Variants in TMTC4 observed in about 807,000 individuals in gnomAD.
TMTC4 encodes protein O-mannosyl-transferase TMTC4.
A neutral mutation model predicts 86.0 loss-of-function variants in TMTC4; 65 were observed. That is an observed-to-expected ratio of 0.76 (90% CI 0.62 to 0.93). The LOEUF (loss-of-function observed/expected upper bound fraction) is 0.93. Among genes scored for constraint, TMTC4 ranks in the 40% least tolerant of loss-of-function variants. TMTC4 has a pLI of 0.00. For missense variants in TMTC4, 866 were observed against 948.1 expected (o/e 0.91, Z 1.14); for synonymous variants, 379 against 382.5 (o/e 0.99, Z 0.11).
At chr13:100,645,393 CCT>C (rs1323287433) in intron 6 of TMTC4, among the ~76,000 whole-genome samples, 1 of 152,200 alleles carries the variant, frequency 6.6e-6, no homozygotes, top group African/African-American at 2.4e-5. Context: ...CAAACCCCAC[CCT>C]CTCAGGCAGG....
At chr13:100,622,796 C>CT (rs543924901) in intron 15 of TMTC4, among the ~76,000 whole-genome samples, 1,578 of 152,006 alleles carry the variant, frequency 0.01, 25 homozygotes, top group African/African-American at 0.036. Flanking sequence ...TATTATTATA[C>CT]TTTAAGTTTT....
Position 100,604,847 on chromosome 13 carries a change from A to T in TMTC4, c.*147T>A. ...TTCAAGAGTATATTGCTGGTGCTAT[A>T]ATCTTTTTGCATGTCTTTGTTTTCA... is the stretch of plus-strand genomic sequence containing the variant. On this transcript the variant is annotated 3_prime_UTR_variant, in exon 19 of 19. Transcript: ENST00000342624. 1 of 855,696 alleles carries T rather than the reference A, an allele frequency of 1.2e-6. No homozygotes were observed. The highest frequency in any genetic ancestry group is 3.0e-5 in the East Asian group (1 of 33,092). 53.0% of individuals were successfully genotyped at this position (855,696 alleles called of 1,614,324 possible).
intron 6 of TMTC4, among the ~76,000 whole-genome samples, chr13:100,650,818 T>C (rs531481093): frequency 1.9e-4 from 29 of 152,370 alleles, no homozygotes; most frequent in Non-Finnish European, 3.7e-4. Flanking sequence ...CTATCGGACA[T>C]GAGTTAGCCA....
At chr13:100,649,141 T>C (rs572613382) in intron 6 of TMTC4, among the ~76,000 whole-genome samples, 2 of 152,344 alleles carry the variant, frequency 1.3e-5, no homozygotes, top group Non-Finnish European at 2.9e-5. Flanking sequence ...TATATGTGCA[T>C]GAATGATAAA....
At chr13:100,628,986 TA>T (rs1276949853) in intron 12 of TMTC4, among the ~76,000 whole-genome samples, 10 of 151,934 alleles carry the variant, frequency 6.6e-5, no homozygotes, top group Non-Finnish European at 1.3e-4. Context: ...CCATCTCTAC[TA>T]AAAATACAAA....
At chr13:100,611,282 G>A (rs1877526151) in intron 17 of TMTC4, among the ~76,000 whole-genome samples, 1 of 152,206 alleles carries the variant, frequency 6.6e-6, no homozygotes, top group South Asian at 2.1e-4. Flanking sequence ...CACCCAGGAT[G>A]CCAGCTAAAA....
At chr13:100,630,969 T>A (rs984581311) in intron 12 of TMTC4, among the ~76,000 whole-genome samples, 3 of 152,136 alleles carry the variant, frequency 2.0e-5, no homozygotes, top group African/African-American at 7.2e-5. Context: ...ATGGGTTAGG[T>A]GGAGGGAATT....
intron 6 of TMTC4, among the ~76,000 whole-genome samples, chr13:100,645,659 T>C (rs1044135525): frequency 2.6e-5 from 4 of 152,156 alleles, no homozygotes; most frequent in Admixed American, 6.5e-5. Flanking sequence ...TGAGCCTTGT[T>C]CACTGACTGC....
At chr13:100,662,867 G>T in intron 5 of TMTC4, 97 bp downstream of exon 5, 1 of 1,285,676 alleles carries the variant, frequency 7.8e-7, no homozygotes, top group Non-Finnish European at 1.1e-6. Context: ...AACCAAGATG[G>T]GTACATAAAG....
chr13:100,639,867 G>C (rs1882783946), intron 7 of TMTC4, among the ~76,000 whole-genome samples: 1 of 152,150 alleles, frequency 6.6e-6, no homozygotes, highest in African/African-American at 2.4e-5. Flanking sequence ...TTGAACCTGG[G>C]AGGTGGAGGT....
At chr13:100,654,189 T>C (rs1884795459) in intron 6 of TMTC4, among the ~76,000 whole-genome samples, 1 of 152,242 alleles carries the variant, frequency 6.6e-6, no homozygotes, top group South Asian at 2.1e-4. Flanking sequence ...TCTAGTCATC[T>C]TAAAAAGCTT....
At chr13:100,632,053 A>ACACACACACACTCTCTCTCT (rs1296569630) in intron 12 of TMTC4, among the ~76,000 whole-genome samples, 7 of 43,142 alleles carry the variant, frequency 1.6e-4, no homozygotes, top group Non-Finnish European at 2.4e-4. Context: ...ACACACACAC[A>ACACACACACACTCTCTCTCT]CTCTCTCTCT....
intron 5 of TMTC4, among the ~76,000 whole-genome samples, chr13:100,660,204 G>A (rs1268021640): frequency 1.3e-5 from 2 of 151,330 alleles, no homozygotes; most frequent in Non-Finnish European, 2.9e-5. Context: ...GGTGGTGCAC[G>A]CCTGTAGTCC....
chr13:100,649,630 T>C (rs1337206632), intron 6 of TMTC4, among the ~76,000 whole-genome samples: 3 of 152,138 alleles, frequency 2.0e-5, no homozygotes, highest in Non-Finnish European at 2.9e-5. Context: ...TGAGATGTAA[T>C]TTAATACCCA....
chr13:100,618,941 TC>T (rs1391837420), intron 15 of TMTC4, among the ~76,000 whole-genome samples: 1 of 151,784 alleles, frequency 6.6e-6, no homozygotes, highest in African/African-American at 2.4e-5. Flanking sequence ...TCCCCACCTT[TC>T]CCCCCTTTCT....
At position 100,642,241 on chromosome 13, in the gene TMTC4, C is replaced by T; in HGVS notation, c.711G>A (p.Met237Ile). ...LLSIFLGAVA[M>I]LCKEQGITVL... The stretch of plus-strand genomic sequence containing the variant: ...CAGTGATCCCTTGCTCTTTGCACAG[C>T]ATGGCCACTGCTCCCAGAAAGATAC... The change falls in exon 7 of 19, where the codon ATG becomes ATA. Residue 237 changes from methionine (M) to isoleucine (I), a missense_variant. Transcript: ENST00000342624. 6.2e-7 allele frequency: 1 copy of T among 1,614,240 alleles called. No individual in the cohort carries two copies. The highest frequency in any genetic ancestry group is 8.5e-7 in the Non-Finnish European group (1 of 1,180,056).
chr13:100,638,264 G>A (rs138424131), intron 7 of TMTC4: 184 of 410,004 alleles, frequency 4.5e-4, no homozygotes, highest in African/African-American at 2.8e-3. Flanking sequence ...CACAGTCTGC[G>A]TGTAGGAGTT....
At chr13:100,629,105 T>A (rs973298248) in intron 12 of TMTC4, among the ~76,000 whole-genome samples, 2 of 152,006 alleles carry the variant, frequency 1.3e-5, no homozygotes, top group African/African-American at 2.4e-5. Context: ...GGCAAGAGCA[T>A]GCCACTGCAC....
intron 12 of TMTC4, among the ~76,000 whole-genome samples, chr13:100,629,950 G>C (rs1301906058): frequency 2.0e-5 from 3 of 151,912 alleles, no homozygotes; most frequent in Non-Finnish European, 2.9e-5. Flanking sequence ...CAACCCTGCT[G>C]ACACCCTGAT....
Sources: allele counts gnomAD v4.1 joint callset (sites outside exome capture counted in the v4.1 genomes callset), GRCh38; gene constraint gnomAD v4.1.1; transcripts MANE v1.5; gene names NCBI Gene and HGNC (gene_info 2026-07-23, HGNC 2026-07-21).